NLGN1: variants seen among roughly 807,000 people sequenced by gnomAD.
The protein encoded by NLGN1 is neuroligin 1.
A neutral mutation model predicts 65.5 loss-of-function variants in NLGN1; 12 were observed. That is an observed-to-expected ratio of 0.18 (90% CI 0.12 to 0.30). NLGN1 has a LOEUF of 0.30. Among genes scored for constraint, NLGN1 ranks in the 10% least tolerant of loss-of-function variants. The pLI is 1.00. For missense variants in NLGN1, 750 were observed against 1,007.1 expected, an observed-to-expected ratio of 0.74 and a Z score of 3.46; for synonymous variants, 350 against 359.5, an observed-to-expected ratio of 0.97 and a Z score of 0.30.
intron 3 of NLGN1, among the ~76,000 whole-genome samples, chr3:173,702,887 T>G (rs1040519956): frequency 1.3e-5 from 2 of 152,228 alleles, no homozygotes. Context: ...GTTTTCTTTT[T>G]GAGCAATATT....
At chr3:173,537,236 C>CATATGT (rs1173479703) in intron 2 of NLGN1, among the ~76,000 whole-genome samples, 23 of 152,266 alleles carry the variant, frequency 1.5e-4, no homozygotes, top group Admixed American at 1.4e-3. Context: ...ACTTGACATC[C>CATATGT]ATATGTATCT....
At position 173,580,645 on chromosome 3, in the gene NLGN1, C is replaced by T. The variant is rs1294200270; in HGVS notation, c.-320-23634C>T. On this transcript the variant is annotated intron_variant, in intron 2 of 6. Transcript: ENST00000457714. ...CAGGGAGATAAATGAATTTGATTCA[C>T]ATTTTTATTCTCAAACACCTTTCCT... Among the ~76,000 whole-genome samples the T allele has an allele frequency of 3.3e-5, 5 of 151,994 alleles. No homozygotes were observed. The East Asian group carries it at 9.6e-4, about 29-fold the overall frequency.
At chr3:173,439,757 C>G (rs1326742228) in intron 2 of NLGN1, among the ~76,000 whole-genome samples, 1 of 151,904 alleles carries the variant, frequency 6.6e-6, no homozygotes, top group Admixed American at 6.6e-5. Flanking sequence ...ATACTTAAAG[C>G]TAAAATGCTA....
chr3:174,069,104 G>A (rs1383366616), intron 4 of NLGN1, among the ~76,000 whole-genome samples: 1 of 152,158 alleles, frequency 6.6e-6, no homozygotes, highest in Admixed American at 6.6e-5. Context: ...AGTCTTTGGA[G>A]AGATATAAAG....
At chr3:173,951,501 C>G (rs1038461590) in intron 4 of NLGN1, among the ~76,000 whole-genome samples, 4 of 146,064 alleles carry the variant, frequency 2.7e-5, no homozygotes, top group African/African-American at 1.0e-4. Context: ...CTTGCTCTGT[C>G]GCCCAGGCTG....
At chr3:173,769,154 C>T (rs773135285) in intron 3 of NLGN1, among the ~76,000 whole-genome samples, 3 of 152,096 alleles carry the variant, frequency 2.0e-5, no homozygotes, top group Non-Finnish European at 4.4e-5. Context: ...GTTTTGGAGG[C>T]ATTAATAGTG....
At chr3:173,799,141 T>C (rs1036969205) in intron 3 of NLGN1, among the ~76,000 whole-genome samples, 3 of 152,022 alleles carry the variant, frequency 2.0e-5, no homozygotes, top group African/African-American at 4.8e-5. Context: ...TTGACTGTTA[T>C]TTTATGCATG....
intron 4 of NLGN1, among the ~76,000 whole-genome samples, chr3:173,886,914 G>GA (rs770646915): frequency 6.6e-6 from 1 of 151,890 alleles, no homozygotes; most frequent in Admixed American, 6.6e-5. Flanking sequence ...GCGAGTTCAA[G>GA]AAAAAATTGA....
intron 2 of NLGN1, among the ~76,000 whole-genome samples, chr3:173,498,501 C>G (rs1380740550): frequency 1.3e-5 from 2 of 151,784 alleles, no homozygotes; most frequent in Non-Finnish European, 2.9e-5. Context: ...GTGAATAGTG[C>G]CGCAATAAAC....
chr3:174,131,474 G>A (rs1720174132), intron 4 of NLGN1, among the ~76,000 whole-genome samples: 1 of 151,970 alleles, frequency 6.6e-6, no homozygotes, highest in Admixed American at 6.6e-5. Context: ...TGGCCACAAA[G>A]TTTTTTCTAC....
At chr3:173,831,590 A>T (rs1722572070) in intron 4 of NLGN1, among the ~76,000 whole-genome samples, 1 of 152,168 alleles carries the variant, frequency 6.6e-6, no homozygotes, top group Admixed American at 6.5e-5. Context: ...AATTTCAAAT[A>T]AAAAAGTACA....
intron 4 of NLGN1, among the ~76,000 whole-genome samples, chr3:174,066,631 C>G (rs546038366): frequency 6.7e-6 from 1 of 148,202 alleles, no homozygotes; most frequent in African/African-American, 2.5e-5. Context: ...TAGATAGTTC[C>G]ACTGTAGTGA....
intron 3 of NLGN1, among the ~76,000 whole-genome samples, chr3:173,760,870 A>G (rs1296385785): frequency 6.6e-6 from 1 of 152,038 alleles, no homozygotes; most frequent in Non-Finnish European, 1.5e-5. Context: ...CACAGCAACT[A>G]AAATTTCTAG....
chr3:174,030,274 T>G (rs1235341017), intron 4 of NLGN1, among the ~76,000 whole-genome samples: 1 of 151,864 alleles, frequency 6.6e-6, no homozygotes, highest in Non-Finnish European at 1.5e-5. Flanking sequence ...TACAGGCATG[T>G]GCCACCATGC....
intron 2 of NLGN1, among the ~76,000 whole-genome samples, chr3:173,595,951 A>T (rs61017094): frequency 1.3e-5 from 2 of 152,198 alleles, no homozygotes; most frequent in African/African-American, 4.8e-5. Context: ...GAATTATGGG[A>T]GTTCAATTCA....
chr3:173,800,397 C>T (rs1715201389), intron 3 of NLGN1: 1 of 657,550 alleles, frequency 1.5e-6, no homozygotes, highest in African/African-American at 2.0e-5. Flanking sequence ...GGGCCTCAAT[C>T]ACTTTTTCCA....
intron 3 of NLGN1, among the ~76,000 whole-genome samples, chr3:173,630,190 C>T (rs891952741): frequency 3.3e-5 from 5 of 152,054 alleles, no homozygotes; most frequent in Admixed American, 1.3e-4. Context: ...GAGAAAAGAG[C>T]TTAAGTGTTT....
At chr3:173,426,387 A>G (rs1159402946) in intron 1 of NLGN1, among the ~76,000 whole-genome samples, 2 of 152,062 alleles carry the variant, frequency 1.3e-5, no homozygotes, top group Non-Finnish European at 2.9e-5. Context: ...AAGTGATGAA[A>G]CTAGGTATCT....
At chr3:174,158,642 G>C (rs1235815206) in intron 4 of NLGN1, among the ~76,000 whole-genome samples, 1 of 151,720 alleles carries the variant, frequency 6.6e-6, no homozygotes, top group Admixed American at 6.6e-5. Flanking sequence ...AGGTGTTTGT[G>C]TGTACATTAA....
Sources: gnomAD v4.1 joint callset for allele counts (sites outside exome capture counted in the v4.1 genomes callset) on GRCh38, gnomAD v4.1.1 for gene constraint, MANE v1.5 for transcripts, NCBI Gene and HGNC (gene_info 2026-07-23, HGNC 2026-07-21) for gene names.